HAPLN3: variants seen among roughly 807,000 people sequenced by gnomAD.
HAPLN3 encodes hyaluronan and proteoglycan link protein 3.
HAPLN3 carries 28 observed loss-of-function variants against 28.1 expected under a neutral mutation model. The observed-to-expected ratio is 1.00, with a 90% CI of 0.74 to 1.37. The LOEUF is 1.37. HAPLN3 is among the 40% of genes most tolerant of loss of function. The pLI is 0.00. For synonymous variants in HAPLN3, 211 were observed against 213.1 expected (o/e 0.99, Z 0.09); for missense variants, 513 against 504.6 (o/e 1.02, Z -0.16).
chr15:88,878,945 C>A, intron 4 of HAPLN3, 22 bp downstream of exon 4: 3 of 1,585,312 alleles, frequency 1.9e-6, no homozygotes, highest in Non-Finnish European at 2.6e-6. Context: ...CCCACAGGCC[C>A]GCGCTTGGCT....
chr15:88,887,754 G>A (rs1158203394), intron 1 of HAPLN3, among the ~76,000 whole-genome samples: 15 of 152,014 alleles, frequency 9.9e-5, no homozygotes, highest in Admixed American at 6.6e-5. Context: ...ACCTGAGGTT[G>A]GGAGTTTGAG....
At chr15:88,883,885 G>A (rs542719765) in intron 2 of HAPLN3, among the ~76,000 whole-genome samples, 6 of 152,192 alleles carry the variant, frequency 3.9e-5, no homozygotes, top group East Asian at 1.9e-4. Flanking sequence ...CGAGACTAGC[G>A]TGGCCAACAC....
intron 2 of HAPLN3, among the ~76,000 whole-genome samples, chr15:88,884,563 C>CAATA (rs928695137): frequency 1.8e-4 from 27 of 151,716 alleles, no homozygotes; most frequent in South Asian, 4.2e-4. Context: ...GACTCTGTCT[C>CAATA]AATAAATAAA....
intron 2 of HAPLN3, among the ~76,000 whole-genome samples, chr15:88,886,815 A>G (rs1157607694): frequency 6.6e-6 from 1 of 152,222 alleles, no homozygotes; most frequent in Non-Finnish European, 1.5e-5. Context: ...ACAGAGTGAG[A>G]CTTTATCTCA....
At position 88,888,390 on chromosome 15, in the gene HAPLN3, T is replaced by C. The variant is rs1897924441; in HGVS notation, c.-47-1045A>G. On this transcript the variant is annotated intron_variant, in intron 1 of 4. Transcript: ENST00000359595. This position sits in a 1 kb window ranked among gnomAD's most constrained non-coding sequence, Gnocchi z 4.1. ...ACAGGCATAAGCCACTGCGCCCAAC[T>C]CAAAAATAATTTTTGAACACCATGC... Among the ~76,000 whole-genome samples the C allele has an allele frequency of 6.6e-6, 1 of 152,086 alleles. No homozygotes were observed. Among genetic ancestry groups the C allele is most frequent in the African/African-American group, 2.4e-5 (1 of 41,412 alleles).
At chr15:88,884,451 C>A (rs757696055) in intron 2 of HAPLN3, among the ~76,000 whole-genome samples, 6 of 151,928 alleles carry the variant, frequency 3.9e-5, no homozygotes, top group Non-Finnish European at 5.9e-5. Context: ...GTAGTCCCAG[C>A]TACTCGGGAG....
chr15:88,884,418 G>T (rs561083305), intron 2 of HAPLN3, among the ~76,000 whole-genome samples: 45 of 152,224 alleles, frequency 3.0e-4, no homozygotes, highest in African/African-American at 1.1e-3. Context: ...CAAAAAATTA[G>T]CCAGGCATGG....
intron 1 of HAPLN3, among the ~76,000 whole-genome samples, chr15:88,894,611 G>A (rs970298922): frequency 2.6e-5 from 4 of 151,546 alleles, no homozygotes; most frequent in African/African-American, 7.3e-5. Context: ...GGGCGGCGTC[G>A]AGGGAGAGAA....
At position 88,879,020 on chromosome 15, in the gene HAPLN3, CG is replaced by C; in HGVS notation, c.742del (p.Arg248AlafsTer30). 1.2e-6 allele frequency: 2 copies of C among 1,608,910 alleles called. No homozygotes were observed. The highest frequency in any genetic ancestry group is 1.7e-4 in the Middle Eastern group (1 of 6,046). ...LAPGVRSYGPRHRRLHRYDVF... is the reference protein window; with the variant it reads ...LAPGVRSYGPXHRRLHRYDVF... ...ATCATAGCGGTGCAGGCGGCGGTGG[CG>C]GGGGCCGTAGCTTCGCACGCCAGGT... On this transcript the variant is annotated frameshift_variant, in exon 4 of 5. Coordinates refer to ENST00000359595, the MANE Select transcript of HAPLN3 (RefSeq NM_178232.4). LOFTEE classifies it high-confidence loss of function. The surrounding 1 kb of genome is among the most constrained non-coding windows in gnomAD (Gnocchi z 5.0).
chr15:88,891,887 T>C (rs55889422), intron 1 of HAPLN3, among the ~76,000 whole-genome samples: 3,956 of 152,194 alleles, frequency 0.026, 172 homozygotes, highest in African/African-American at 0.087. Flanking sequence ...AGGAGGGAAG[T>C]GGGGCCAAGA....
At chr15:88,878,371 T>C (rs1897595260) in intron 4 of HAPLN3, 115 bp from the exon 5 acceptor site, 1 of 883,744 alleles carries the variant, frequency 1.1e-6, no homozygotes, top group African/African-American at 1.7e-5. Flanking sequence ...GCTACCATAC[T>C]GCAGGCATCT....
intron 2 of HAPLN3, among the ~76,000 whole-genome samples, chr15:88,884,799 A>C (rs537155588): frequency 2.2e-4 from 34 of 152,034 alleles, no homozygotes; most frequent in South Asian, 1.0e-3. Flanking sequence ...AGGCAGAGGG[A>C]GATTTGCATA....
rs373382303 is a variant in HAPLN3 at position 88,887,157 on chromosome 15, G to A, written c.124+18C>T. On this transcript the variant is annotated intron_variant, in intron 2 of 4. Transcript: ENST00000359595. ...GTCACCCAGGGGAGCAAAGAGCCGG[G>A]TGCAGGAGGTCGCCTACCTTTGCCA... 8.4e-5 allele frequency: 135 copies of A among 1,613,936 alleles called. No homozygotes were observed. The highest frequency in any genetic ancestry group is 1.1e-4 in the Non-Finnish European group (129 of 1,179,936).
chr15:88,885,529 C>T (rs1296290162), intron 2 of HAPLN3, among the ~76,000 whole-genome samples: 1 of 149,544 alleles, frequency 6.7e-6, no homozygotes, highest in African/African-American at 2.5e-5. Flanking sequence ...ATGATCTCAG[C>T]TCACTGCAAC....
In HAPLN3 at chr15:88,888,671, T is replaced by A. The variant is rs55769290; in HGVS notation, c.-47-1326A>T. The stretch of plus-strand genomic sequence containing the variant: ...CTCAACAATTAAAAGATGGGGTCAC[T>A]CCTTGAAGGAGCTTGGTCCAGGGAG... On this transcript the variant is annotated intron_variant, in intron 1 of 4. Transcript: ENST00000359595. The surrounding 1 kb of genome is among the most constrained non-coding windows in gnomAD (Gnocchi z 4.1). 0.13 allele frequency among the ~76,000 whole-genome samples: 20,407 copies of A among 152,112 alleles called. 1,571 individuals carry two copies. Among genetic ancestry groups the A allele is most frequent in the South Asian group, 0.21 (989 of 4,808 alleles).
At position 88,895,013 on chromosome 15, in the gene HAPLN3, C is replaced by A. The variant is rs991889982; in HGVS notation, c.-48+446G>T. On this transcript the variant is annotated intron_variant, in intron 1 of 4. Transcript: ENST00000359595. The surrounding 1 kb of genome is among the most constrained non-coding windows in gnomAD (Gnocchi z 5.5). Reference sequence around the variant, plus strand: ...CAGCCGCCTCGCAGGTTGCCCTCAGCCCCTCCCAGGACTCCCGGGGCCCCC... The same window carrying A: ...CAGCCGCCTCGCAGGTTGCCCTCAGACCCTCCCAGGACTCCCGGGGCCCCC... 6.6e-6 allele frequency among the ~76,000 whole-genome samples: 1 copy of A among 152,354 alleles called. No individual in the cohort carries two copies. The highest frequency in any genetic ancestry group is 1.5e-5 in the Non-Finnish European group (1 of 68,018).
At position 88,879,340 on chromosome 15, in the gene HAPLN3, C is replaced by T; in HGVS notation, c.494-71G>A. 6.3e-7 allele frequency: 1 copy of T among 1,594,408 alleles called. No homozygotes were observed. Among genetic ancestry groups the T allele is most frequent in the South Asian group, 1.1e-5 (1 of 90,196 alleles). The stretch of plus-strand genomic sequence containing the variant: ...GCTGGCTGGACACCCCGCTCTCCTC[C>T]CACCTTCACTGGGACATGTGCTGCC... On this transcript the variant is annotated intron_variant, in intron 3 of 4. Coordinates refer to ENST00000359595, the MANE Select transcript of HAPLN3 (RefSeq NM_178232.4). This position sits in a 1 kb window ranked among gnomAD's most constrained non-coding sequence, Gnocchi z 5.0.
At chr15:88,894,525 A>G (rs957506133) in intron 1 of HAPLN3, among the ~76,000 whole-genome samples, 3 of 152,188 alleles carry the variant, frequency 2.0e-5, no homozygotes, top group Non-Finnish European at 4.4e-5. Flanking sequence ...TGTTTGCACA[A>G]GGCTTGATCT....
In HAPLN3 at chr15:88,881,484, C is replaced by A; in HGVS notation, c.366G>T (p.Arg122=). 1.9e-6 allele frequency: 3 copies of A among 1,614,086 alleles called. No individual in the cohort carries two copies. The highest frequency in any genetic ancestry group is 2.5e-6 in the Non-Finnish European group (3 of 1,180,028). Residue 122 remains arginine, a synonymous_variant, in exon 3 of 5, where the codon CGG becomes CGT. Coordinates refer to ENST00000359595, the MANE Select transcript of HAPLN3 (RefSeq NM_178232.4). This position sits in a 1 kb window ranked among gnomAD's most constrained non-coding sequence, Gnocchi z 6.0. ...FGDYQGRVHL[R]QDKEHDVSLE... is the part of the protein sequence containing the mutation. ...GCGAGACGTCATGCTCTTTGTCCTGCCGCAGGTGCACGCGGCCTTGGTAGT... is the reference window on the plus strand; with the variant it reads ...GCGAGACGTCATGCTCTTTGTCCTGACGCAGGTGCACGCGGCCTTGGTAGT...
Sources: gnomAD v4.1 joint callset for allele counts (sites outside exome capture counted in the v4.1 genomes callset) on GRCh38, gnomAD v4.1.1 for gene constraint, Gnocchi (gnomAD v3.1) non-coding constraint, MANE v1.5 for transcripts, NCBI Gene and HGNC (gene_info 2026-07-23, HGNC 2026-07-21) for gene names.